Variants in LMO7 observed in about 807,000 individuals in gnomAD.
LMO7 encodes the protein LIM domain only protein 7.
In LMO7, 120 loss-of-function variants were observed where a neutral mutation model predicts 206.5. That is an observed-to-expected ratio of 0.58 (90% CI 0.50 to 0.68). The LOEUF (loss-of-function observed/expected upper bound fraction) is 0.68, where lower values mean the gene tolerates loss of function less well. Among genes scored for constraint, LMO7 ranks in the 30% least tolerant of loss-of-function variants. The pLI, the probability that LMO7 is intolerant of heterozygous loss-of-function variation, is 0.00. For synonymous variants in LMO7, 706 were observed against 681.5 expected (o/e 1.04, Z -0.56); for missense variants, 1,959 against 1,957.9 (o/e 1.00, Z -0.01).
chr13:75,793,473 C>A (rs1481896097), intron 4 of LMO7, among the ~76,000 whole-genome samples: 6 of 152,068 alleles, frequency 3.9e-5, no homozygotes, highest in African/African-American at 1.4e-4. Flanking sequence ...ACGGGGTTTC[C>A]CCGTGTTGGC....
chr13:75,764,927 G>A (rs141263820), intron 4 of LMO7, among the ~76,000 whole-genome samples: 10 of 151,894 alleles, frequency 6.6e-5, no homozygotes, highest in African/African-American at 1.9e-4. Flanking sequence ...TGATATTAAC[G>A]GAGTTTGTTT....
At chr13:75,803,738 T>C (rs1244477176) in intron 7 of LMO7, among the ~76,000 whole-genome samples, 1 of 152,160 alleles carries the variant, frequency 6.6e-6, no homozygotes, top group Non-Finnish European at 1.5e-5. Context: ...TTTGGAACTT[T>C]AGAAGTCATC....
In LMO7 at chr13:75,835,287, A is replaced by C. The variant is rs577836613; in HGVS notation, c.3281A>C (p.Lys1094Thr). The C allele has an allele frequency of 2.5e-6, 4 of 1,610,536 alleles. No individual in the cohort carries two copies. The highest frequency in any genetic ancestry group is 4.5e-5 in the East Asian group (2 of 44,640). ...ACTTCTGGAATTTACAACTCAGAAAAATCTTCAAATCTATCTGTAACAACT... is the reference window on the plus strand; with the variant it reads ...ACTTCTGGAATTTACAACTCAGAAACATCTTCAAATCTATCTGTAACAACT... Reference protein sequence around the residue: ...DATSGIYNSEKSSNLSVTTDF... With the variant: ...DATSGIYNSETSSNLSVTTDF... The change falls in exon 18 of 31, where the codon AAA becomes ACA. Residue 1094 changes from lysine to threonine, a missense_variant. Lys to Thr is a moderately conservative substitution (Grantham distance 78). Coordinates refer to ENST00000377534, the MANE Select transcript of LMO7 (RefSeq NM_001306080.2).
At chr13:75,775,281 C>A (rs73227971) in intron 4 of LMO7, among the ~76,000 whole-genome samples, 2,242 of 152,040 alleles carry the variant, frequency 0.015, 19 homozygotes, top group Middle Eastern at 0.041. Context: ...AACAGAACCA[C>A]ACTTCTCACC....
intron 3 of LMO7, among the ~76,000 whole-genome samples, chr13:75,757,790 C>CTGTGTG (rs57536883): frequency 1.3e-4 from 18 of 143,442 alleles, no homozygotes; most frequent in Admixed American, 4.8e-4. Context: ...CTCATTGTTT[C>CTGTGTG]TGTGTGTGTG....
intron 1 of LMO7, among the ~76,000 whole-genome samples, chr13:75,685,263 G>T (rs566585460): frequency 1.3e-5 from 2 of 152,148 alleles, no homozygotes; most frequent in African/African-American, 4.8e-5. Context: ...CATGGACTTG[G>T]AGTAAGCTGG....
chr13:75,756,923 G>A (rs2047723098), intron 3 of LMO7, among the ~76,000 whole-genome samples: 1 of 152,184 alleles, frequency 6.6e-6, no homozygotes, highest in Non-Finnish European at 1.5e-5. Context: ...AATCACTGAG[G>A]TGGGTCCAGA....
intron 4 of LMO7, among the ~76,000 whole-genome samples, chr13:75,773,300 T>C (rs962298263): frequency 1.3e-5 from 2 of 152,086 alleles, no homozygotes; most frequent in Non-Finnish European, 2.9e-5. Flanking sequence ...TGGGACAAGC[T>C]TGAGTGAGGC....
chr13:75,837,474 C>A (rs2059222468), intron 19 of LMO7, among the ~76,000 whole-genome samples: 1 of 152,078 alleles, frequency 6.6e-6, no homozygotes, highest in Admixed American at 6.6e-5. Flanking sequence ...TAAGCACTAA[C>A]TAGTATCAAG....
At chr13:75,823,427 C>T (rs1172493732) in intron 14 of LMO7, 138 bp from the exon 15 acceptor site, 1 of 686,758 alleles carries the variant, frequency 1.5e-6, no homozygotes, top group African/African-American at 1.8e-5. Flanking sequence ...AAGAACTCAG[C>T]CCAAGCTTTT....
intron 1 of LMO7, among the ~76,000 whole-genome samples, chr13:75,710,422 A>G (rs1280859608): frequency 6.6e-6 from 1 of 152,088 alleles, no homozygotes; most frequent in African/African-American, 2.4e-5. Context: ...TGATTCTTCT[A>G]TCCATGAGCA....
At chr13:75,760,440 C>G in intron 3 of LMO7, 1 of 1,152,448 alleles carries the variant, frequency 8.7e-7, no homozygotes, top group Non-Finnish European at 1.1e-6. Context: ...GTGTGGTATT[C>G]CACAGTCGTT....
Position 75,833,129 on chromosome 13 carries a change from G to T in LMO7, c.3028G>T (p.Asp1010Tyr). The change falls in exon 16 of 31, where the codon GAT becomes TAT. Residue 1010 changes from aspartate to tyrosine, a missense_variant. By Grantham distance (160) the Asp-to-Tyr change is radical. Transcript: ENST00000377534. ...TGACTTTGGGTTTACAATAAAATGG[G>T]ATATTCCTGGGATCTTCGTAGCATC... ...SLDFGFTIKW[D>Y]IPGIFVASVE... 1 of 1,608,228 alleles carries T rather than the reference G, an allele frequency of 6.2e-7. No homozygotes were observed. The highest frequency in any genetic ancestry group is 8.5e-7 in the Non-Finnish European group (1 of 1,174,806).
intron 1 of LMO7, among the ~76,000 whole-genome samples, chr13:75,711,878 G>T (rs1182299193): frequency 6.6e-6 from 1 of 152,216 alleles, no homozygotes; most frequent in African/African-American, 2.4e-5. Context: ...CAGACACTCA[G>T]CCTTTGTTTA....
chr13:75,833,002 T>C (rs373647403), intron 15 of LMO7, 49 bp from the exon 16 acceptor site: 9 of 1,003,736 alleles, frequency 9.0e-6, no homozygotes, highest in Non-Finnish European at 1.4e-5. Context: ...CTTTCCTCCA[T>C]GTGGGTGCCA....
At chr13:75,681,704 GTGTATATA>G (rs1392228121) in intron 1 of LMO7, among the ~76,000 whole-genome samples, 38 of 82,982 alleles carry the variant, frequency 4.6e-4, no homozygotes, top group African/African-American at 1.3e-3. Flanking sequence ...ATGTATGTAT[GTGTATATA>G]TATATGTATA....
intron 3 of LMO7, among the ~76,000 whole-genome samples, chr13:75,748,666 G>A (rs886545876): frequency 1.3e-5 from 2 of 152,148 alleles, no homozygotes; most frequent in African/African-American, 4.8e-5. Flanking sequence ...TGGAGTATGA[G>A]GCAAGAGAAT....
At chr13:75,694,994 C>G (rs1429310366) in intron 1 of LMO7, among the ~76,000 whole-genome samples, 1 of 152,136 alleles carries the variant, frequency 6.6e-6, no homozygotes, top group Non-Finnish European at 1.5e-5. Context: ...CGGATTAACC[C>G]GGGCCCTCCT....
chr13:75,833,370 C>G (rs1271517985), intron 16 of LMO7, among the ~76,000 whole-genome samples: 1 of 152,100 alleles, frequency 6.6e-6, no homozygotes, highest in Non-Finnish European at 1.5e-5. Context: ...TGACTAATTA[C>G]TTTTAGTTTT....
Sources: gnomAD v4.1 joint callset for allele counts (sites outside exome capture counted in the v4.1 genomes callset) on GRCh38, gnomAD v4.1.1 for gene constraint, MANE v1.5 for transcripts, NCBI Gene and HGNC (gene_info 2026-07-23, HGNC 2026-07-21) for gene names.